JMJD1C: variants seen among roughly 807,000 people sequenced by gnomAD.
JMJD1C encodes jumonji domain containing 1C.
Under a neutral mutation model 245.3 loss-of-function variants are expected in JMJD1C, and 31 were observed. That is an observed-to-expected ratio of 0.13 (90% confidence interval 0.09 to 0.17). The LOEUF is 0.17. Ranked by LOEUF, JMJD1C falls within the 10% of genes least tolerant of loss-of-function variation. The probability of loss-of-function intolerance (pLI) is 1.00; values close to 1 mark genes in which losing one functional copy is unlikely to be tolerated. For synonymous variants in JMJD1C, 1,057 were observed against 1,017.4 expected (o/e 1.04, Z -0.74); for missense variants, 2,691 against 3,000.2 (o/e 0.90, Z 2.41).
At chr10:63,282,719 T>A (rs1463351591) in intron 2 of JMJD1C, among the ~76,000 whole-genome samples, 2 of 152,138 alleles carry the variant, frequency 1.3e-5, no homozygotes, top group African/African-American at 4.8e-5. Flanking sequence ...ACTAAAACTC[T>A]AGGTTTTCTT....
At chr10:63,334,122 A>G (rs1189951284) in intron 2 of JMJD1C, among the ~76,000 whole-genome samples, 2 of 152,194 alleles carry the variant, frequency 1.3e-5, no homozygotes, top group African/African-American at 4.8e-5. Flanking sequence ...AAGAGGTGGT[A>G]GACATACTCC....
At chr10:63,464,339 C>A (rs1953025275) in intron 1 of JMJD1C, among the ~76,000 whole-genome samples, 2 of 152,030 alleles carry the variant, frequency 1.3e-5, no homozygotes, top group Non-Finnish European at 2.9e-5. Context: ...TACAAAAACA[C>A]ACTCAGAAAC....
At chr10:63,473,605 T>A (rs1202276192) in intron 1 of JMJD1C, among the ~76,000 whole-genome samples, 1 of 152,206 alleles carries the variant, frequency 6.6e-6, no homozygotes, top group Non-Finnish European at 1.5e-5. Context: ...TGGACTTGCC[T>A]TTACATTCTT....
intron 1 of JMJD1C, among the ~76,000 whole-genome samples, chr10:63,493,798 A>G (rs1396879167): frequency 6.6e-6 from 1 of 152,236 alleles, no homozygotes; most frequent in Non-Finnish European, 1.5e-5. Context: ...AAATGGAGGG[A>G]ATAAACTCAT....
intron 1 of JMJD1C, among the ~76,000 whole-genome samples, chr10:63,477,000 A>C (rs565130930): frequency 1.3e-5 from 2 of 152,300 alleles, no homozygotes; most frequent in South Asian, 4.1e-4. Context: ...TTATACAAAA[A>C]ATTCATCAAT....
chr10:63,456,583 G>T (rs1195560468), intron 1 of JMJD1C, among the ~76,000 whole-genome samples: 1 of 152,030 alleles, frequency 6.6e-6, no homozygotes, highest in Non-Finnish European at 1.5e-5. Flanking sequence ...AGATGTTTCA[G>T]CTCCTAAGTG....
At chr10:63,402,255 G>T (rs537403240) in intron 1 of JMJD1C, among the ~76,000 whole-genome samples, 27 of 151,990 alleles carry the variant, frequency 1.8e-4, no homozygotes, top group South Asian at 1.5e-3. Context: ...AATCATCAGA[G>T]AAATAAAAAA....
intron 22 of JMJD1C, among the ~76,000 whole-genome samples, chr10:63,180,017 C>T (rs1352968675): frequency 2.0e-5 from 3 of 151,802 alleles, no homozygotes; most frequent in Middle Eastern, 3.4e-3. Flanking sequence ...TTTTATTTTT[C>T]GAGACACAGT....
At chr10:63,487,594 T>C (rs1397967301) in intron 1 of JMJD1C, among the ~76,000 whole-genome samples, 1 of 152,104 alleles carries the variant, frequency 6.6e-6, no homozygotes, top group Non-Finnish European at 1.5e-5. Flanking sequence ...GGCACATCAA[T>C]GGGAAGACAA....
chr10:63,347,432 A>C (rs558535271), intron 2 of JMJD1C, among the ~76,000 whole-genome samples: 1 of 151,762 alleles, frequency 6.6e-6, no homozygotes, highest in South Asian at 2.1e-4. Context: ...AAAGACAAAA[A>C]AAATTAGCCA....
chr10:63,419,943 C>T (rs1206625068), intron 1 of JMJD1C, among the ~76,000 whole-genome samples: 1 of 151,614 alleles, frequency 6.6e-6, no homozygotes, highest in Non-Finnish European at 1.5e-5. Flanking sequence ...TGAGAGCAGC[C>T]TGGCCAATAT....
chr10:63,215,575 T>C lies in JMJD1C; in HGVS notation c.800A>G (p.Asn267Ser), dbSNP rs369156176. 2.2e-5 allele frequency: 36 copies of C among 1,609,906 alleles called. No individual in the cohort carries two copies. Among genetic ancestry groups the C allele is most frequent in the Non-Finnish European group, 2.2e-5 (26 of 1,176,630 alleles). The part of the protein sequence containing the change: ...GITSRRRSRA[N>S]QNVNAVHSHY... ...TACGTGAACAGCGTTGACGTTTTGA[T>C]TGGCACGAGACCTGCGTCGTGATGT... Residue 267 changes from asparagine (N) to serine (S), a missense_variant, in exon 6 of 26, where the codon AAT (asparagine) becomes AGT (serine). Transcript: ENST00000399262.
At chr10:63,328,096 A>T (rs2134149346) in intron 2 of JMJD1C, among the ~76,000 whole-genome samples, 1 of 152,164 alleles carries the variant, frequency 6.6e-6, no homozygotes, top group Middle Eastern at 3.4e-3. Context: ...CCAACATGGC[A>T]AAACTCCACC....
chr10:63,453,267 CCT>C (rs1255307757), intron 1 of JMJD1C, among the ~76,000 whole-genome samples: 2 of 152,034 alleles, frequency 1.3e-5, no homozygotes, highest in Non-Finnish European at 2.9e-5. Flanking sequence ...AGAGCAAGAC[CCT>C]GTCTCAAACA....
At chr10:63,414,478 A>C (rs968529819) in intron 1 of JMJD1C, among the ~76,000 whole-genome samples, 9 of 152,080 alleles carry the variant, frequency 5.9e-5, no homozygotes, top group African/African-American at 2.2e-4. Flanking sequence ...GTTCCCCGTA[A>C]TTTTCTCAAC....
chr10:63,220,638 T>C (rs1030040813), intron 3 of JMJD1C, among the ~76,000 whole-genome samples: 1 of 152,212 alleles, frequency 6.6e-6, no homozygotes, highest in African/African-American at 2.4e-5. Context: ...ATGTGAATCA[T>C]ACAGTCACGT....
chr10:63,314,307 C>T (rs1373150375), intron 2 of JMJD1C, among the ~76,000 whole-genome samples: 1 of 152,232 alleles, frequency 6.6e-6, no homozygotes, highest in African/African-American at 2.4e-5. Flanking sequence ...TGCCTATAAT[C>T]CCAGCACTTT....
intron 1 of JMJD1C, among the ~76,000 whole-genome samples, chr10:63,440,403 G>A (rs1160536669): frequency 6.6e-6 from 1 of 150,848 alleles, no homozygotes; most frequent in East Asian, 1.9e-4. Flanking sequence ...AAGCGTGCGA[G>A]CACACGAAGG....
chr10:63,402,129 G>GT (rs1948896914), intron 1 of JMJD1C, among the ~76,000 whole-genome samples: 1 of 124,934 alleles, frequency 8.0e-6, no homozygotes, highest in East Asian at 3.1e-4. Context: ...AGCAAACTCC[G>GT]TCTCAAAAAA....
Sources: gnomAD v4.1 joint callset for allele counts (sites outside exome capture counted in the v4.1 genomes callset) on GRCh38, gnomAD v4.1.1 for gene constraint, MANE v1.5 for transcripts, NCBI Gene and HGNC (gene_info 2026-07-23, HGNC 2026-07-21) for gene names.